DOCK1: variants seen among roughly 807,000 people sequenced by gnomAD.
DOCK1 encodes the protein dedicator of cytokinesis 1.
DOCK1 carries 138 observed loss-of-function variants against 262.7 expected under a neutral mutation model. That is an observed-to-expected ratio of 0.53 (90% confidence interval 0.46 to 0.61). The LOEUF (loss-of-function observed/expected upper bound fraction) is 0.61. Ranked by LOEUF, DOCK1 falls within the 20% of genes least tolerant of loss-of-function variation. The pLI, the probability that DOCK1 is intolerant of heterozygous loss-of-function variation, is 0.00. For missense variants in DOCK1, 1,908 were observed against 2,370.7 expected (o/e 0.80, Z 4.05); for synonymous variants, 866 against 867.4 (o/e 1.00, Z 0.03).
intron 23 of DOCK1, among the ~76,000 whole-genome samples, chr10:127,079,831 T>C (rs188883560): frequency 1.9e-3 from 291 of 152,252 alleles, no homozygotes; most frequent in Non-Finnish European, 3.4e-3. Flanking sequence ...CTCGGGAGGC[T>C]GAGGCAGGAG....
At chr10:127,026,214 T>G (rs2042850049) in intron 15 of DOCK1, 138 bp from the exon 16 acceptor site, 2 of 830,680 alleles carry the variant, frequency 2.4e-6, no homozygotes, top group Non-Finnish European at 3.8e-6. Flanking sequence ...AAAAATCATA[T>G]AGGGGACTAG....
At chr10:127,260,234 G>A (rs894102288) in intron 29 of DOCK1, among the ~76,000 whole-genome samples, 1 of 152,182 alleles carries the variant, frequency 6.6e-6, no homozygotes. Flanking sequence ...CTTAGAAACC[G>A]GGAAGAGAGT....
chr10:127,302,460 C>T (rs757302138), intron 29 of DOCK1, among the ~76,000 whole-genome samples: 6 of 152,120 alleles, frequency 3.9e-5, no homozygotes, highest in Admixed American at 6.5e-5. Flanking sequence ...ACCTGCATCC[C>T]AGTGAAAGCT....
intron 27 of DOCK1, among the ~76,000 whole-genome samples, chr10:127,239,237 T>C (rs7096712): frequency 0.29 from 43,581 of 152,114 alleles, 6,278 homozygotes; most frequent in East Asian, 0.39. Context: ...TCATGTGCAG[T>C]GTTTGAGCAT....
chr10:127,451,648 G>GCTATCA lies in DOCK1; in HGVS notation c.*226_*227insACTATC. On this transcript the variant is annotated 3_prime_UTR_variant, in exon 52 of 52. Transcript: ENST00000623213. The stretch of plus-strand genomic sequence containing the variant: ...GGAGGTAGATATGGGTCCGGGATGT[G>GCTATCA]CTATCGTAGTTATCAGAGTTGGGGG... 1 of 1,092,058 alleles carries GCTATCA rather than the reference G, an allele frequency of 9.2e-7. No individual in the cohort carries two copies. The highest frequency in any genetic ancestry group is 1.2e-6 in the Non-Finnish European group (1 of 802,718). The allele number at this position is 1,092,058 out of a possible 1,614,324, so 67.6% of individuals were successfully genotyped here. A position where few individuals can be genotyped will look rare whatever the true frequency, so the allele number is the denominator to read the frequency against.
At chr10:127,271,699 T>C (rs931914946) in intron 29 of DOCK1, among the ~76,000 whole-genome samples, 2 of 152,164 alleles carry the variant, frequency 1.3e-5, no homozygotes, top group Non-Finnish European at 1.5e-5. Context: ...CAACACACAG[T>C]AGGTGCTCAA....
intron 27 of DOCK1, among the ~76,000 whole-genome samples, chr10:127,160,444 G>T (rs1457078504): frequency 1.3e-5 from 2 of 152,158 alleles, no homozygotes; most frequent in Non-Finnish European, 2.9e-5. Flanking sequence ...AGCATGCTGT[G>T]GGCCCCTCCC....
chr10:127,209,164 C>T (rs549909227), intron 27 of DOCK1, among the ~76,000 whole-genome samples: 3 of 112,714 alleles, frequency 2.7e-5, no homozygotes, highest in Admixed American at 2.1e-4. Context: ...CCATCCACAA[C>T]AAGTGGCAGC....
intron 21 of DOCK1, among the ~76,000 whole-genome samples, chr10:127,046,882 C>G (rs1377730650): frequency 2.0e-5 from 3 of 151,758 alleles, no homozygotes; most frequent in South Asian, 4.1e-4. Context: ...CCTGAGTGAG[C>G]AGTCTGGCCT....
At chr10:127,206,583 C>T (rs1589943498) in intron 27 of DOCK1, among the ~76,000 whole-genome samples, 2 of 152,256 alleles carry the variant, frequency 1.3e-5, no homozygotes, top group Admixed American at 6.5e-5. Flanking sequence ...GCTGTGAGAG[C>T]AGAACTTAGG....
At chr10:127,110,425 G>T in intron 25 of DOCK1, 71 bp downstream of exon 25, 2 of 1,389,586 alleles carry the variant, frequency 1.4e-6, no homozygotes, top group South Asian at 1.2e-5. Flanking sequence ...CCTCTGAATT[G>T]CCTCTTCTTG....
chr10:127,091,152 T>C (rs1434052397), intron 23 of DOCK1, among the ~76,000 whole-genome samples: 1 of 152,040 alleles, frequency 6.6e-6, no homozygotes, highest in African/African-American at 2.4e-5. Flanking sequence ...TGGCTAATTT[T>C]TTTTGCATTT....
chr10:127,369,786 A>T (rs1273650989), intron 33 of DOCK1, among the ~76,000 whole-genome samples: 6 of 152,170 alleles, frequency 3.9e-5, no homozygotes, highest in Non-Finnish European at 1.5e-5. Context: ...TGAATGTGGG[A>T]TGAAGTGCCA....
intron 44 of DOCK1, among the ~76,000 whole-genome samples, chr10:127,415,629 T>C (rs1401675562): frequency 6.6e-6 from 1 of 152,248 alleles, no homozygotes; most frequent in Non-Finnish European, 1.5e-5. Flanking sequence ...TATTGCCATT[T>C]ACATGACAAA....
intron 27 of DOCK1, among the ~76,000 whole-genome samples, chr10:127,223,928 G>C (rs548059495): frequency 1.6e-4 from 24 of 152,320 alleles, no homozygotes; most frequent in African/African-American, 5.5e-4. Context: ...TCAGGGGAAA[G>C]GATGCTGAGC....
intron 29 of DOCK1, among the ~76,000 whole-genome samples, chr10:127,322,482 C>T (rs2062578600): frequency 6.6e-6 from 1 of 152,030 alleles, no homozygotes; most frequent in Non-Finnish European, 1.5e-5. Flanking sequence ...AGCCACTGCA[C>T]CCAGCTGGCA....
In DOCK1 at chr10:126,987,718, A is replaced by T. The variant is rs147158450; in HGVS notation, c.324+101A>T. The stretch of plus-strand genomic sequence containing the variant: ...GTTTTTTTTTCTCAGCGAAACTTAA[A>T]AGCAGAGCTTCCGAGACAGAGTTTT... On this transcript the variant is annotated intron_variant, in intron 5 of 51. Transcript: ENST00000623213. The T allele has an allele frequency of 1.4e-3, 1,452 of 1,065,974 alleles. 10 individuals are homozygous for T. The Middle Eastern group carries it at 0.014, about 10-fold the overall frequency. 66.0% of individuals were successfully genotyped at this position (1,065,974 alleles called of 1,614,324 possible). A position where few individuals can be genotyped will look rare whatever the true frequency, so the allele number is the denominator to read the frequency against.
intron 23 of DOCK1, among the ~76,000 whole-genome samples, chr10:127,103,914 C>T (rs991765568): frequency 6.6e-6 from 1 of 152,186 alleles, no homozygotes; most frequent in African/African-American, 2.4e-5. Flanking sequence ...TTCAGACTAG[C>T]AGTGTTATAC....
At position 127,011,163 on chromosome 10, in the gene DOCK1, A is replaced by G. The variant is rs756832278; in HGVS notation, c.1059-1069A>G. Among the ~76,000 whole-genome samples, 26 of 152,246 alleles carry G rather than the reference A, an allele frequency of 1.7e-4. 1 individual carries two copies. The highest frequency in any genetic ancestry group is 2.5e-4 in the Non-Finnish European group (17 of 68,042). On this transcript the variant is annotated intron_variant, in intron 11 of 51. Transcript: ENST00000623213. The stretch of plus-strand genomic sequence containing the variant: ...TGTGACTCCATGCTCCATTAAAGGA[A>G]GACTAATAGACAGATGAATATTTGA...
Sources: allele counts gnomAD v4.1 joint callset (sites outside exome capture counted in the v4.1 genomes callset), GRCh38; gene constraint gnomAD v4.1.1; transcripts MANE v1.5; gene names NCBI Gene and HGNC (gene_info 2026-07-23, HGNC 2026-07-21).